CSMD2: variants seen among roughly 807,000 people sequenced by gnomAD.
CSMD2 encodes the protein CUB and Sushi multiple domains 2.
Under a neutral mutation model 398.5 loss-of-function variants are expected in CSMD2, and 130 were observed. The observed-to-expected ratio is 0.33, with a 90% confidence interval of 0.28 to 0.38. The LOEUF is 0.38. CSMD2 is among the 10% of genes least tolerant of loss of function. The pLI is 1.00. For synonymous variants in CSMD2, 1,828 were observed against 1,908.5 expected (o/e 0.96, Z 1.10); for missense variants, 3,829 against 4,764.9 (o/e 0.80, Z 5.78).
intron 7 of CSMD2, among the ~76,000 whole-genome samples, chr1:33,821,019 G>A (rs946459857): frequency 2.0e-5 from 3 of 152,194 alleles, no homozygotes; most frequent in Admixed American, 1.3e-4. Context: ...GATCAGAAAC[G>A]GTAAAGAATG....
chr1:33,884,802 C>T (rs1041875328), intron 5 of CSMD2: 4 of 152,308 alleles, frequency 2.6e-5, no homozygotes, highest in African/African-American at 9.7e-5. Flanking sequence ...TCTCAATTTT[C>T]CATATCCTTC....
intron 55 of CSMD2, among the ~76,000 whole-genome samples, chr1:33,555,531 A>C (rs1238789074): frequency 6.6e-6 from 1 of 152,212 alleles, no homozygotes; most frequent in Non-Finnish European, 1.5e-5. Context: ...ATCAAACAGC[A>C]GCATACGCTA....
intron 1 of CSMD2, among the ~76,000 whole-genome samples, chr1:34,137,037 G>C (rs1638820332): frequency 6.6e-6 from 1 of 151,818 alleles, no homozygotes; most frequent in African/African-American, 2.4e-5. Context: ...TTCCATCCTA[G>C]TCATCCATGC....
At chr1:34,006,534 C>A (rs900326022) in intron 3 of CSMD2, among the ~76,000 whole-genome samples, 1 of 151,930 alleles carries the variant, frequency 6.6e-6, no homozygotes, top group Non-Finnish European at 1.5e-5. Flanking sequence ...GTTTCCAGAG[C>A]CTCAGAAAGA....
intron 53 of CSMD2, among the ~76,000 whole-genome samples, chr1:33,565,908 T>G (rs1286463372): frequency 6.6e-6 from 1 of 151,778 alleles, no homozygotes; most frequent in Non-Finnish European, 1.5e-5. Flanking sequence ...ATCTGAGAAA[T>G]GAAGACTAAA....
At position 33,810,957 on chromosome 1, in the gene CSMD2, G is replaced by A. The variant is rs1656801073; in HGVS notation, c.1325-93C>T. 6 of 1,405,780 alleles carry A rather than the reference G, an allele frequency of 4.3e-6. No homozygotes were observed. The Admixed American group carries it at 6.3e-5, about 15-fold the overall frequency. 87.1% of individuals were successfully genotyped at this position (1,405,780 alleles called of 1,614,324 possible). A position where few individuals can be genotyped will look rare whatever the true frequency, so the allele number is the denominator to read the frequency against. On this transcript the variant is annotated intron_variant, in intron 9 of 70. Transcript: ENST00000373381. The stretch of plus-strand genomic sequence containing the variant: ...TCCCCACCCAGAAGACACTGCATCT[G>A]TACAGTTCCCACCCTGGACATAACC...
intron 13 of CSMD2, among the ~76,000 whole-genome samples, chr1:33,753,854 T>G (rs554363239): frequency 1.8e-4 from 28 of 152,374 alleles, no homozygotes; most frequent in Non-Finnish European, 3.7e-4. Context: ...GTTTTAGAAC[T>G]GTGTGGGGCC....
intron 3 of CSMD2, among the ~76,000 whole-genome samples, chr1:34,000,916 G>C (rs1461582714): frequency 6.6e-6 from 1 of 151,760 alleles, no homozygotes; most frequent in African/African-American, 2.4e-5. Context: ...AAAACAGGAA[G>C]AGAAGAGAGA....
rs1270300709 is a variant in CSMD2 at position 33,698,828 on chromosome 1, G to A, written c.3850C>T (p.Leu1284=). 1.2e-6 allele frequency: 2 copies of A among 1,614,088 alleles called. No homozygotes were observed. The highest frequency in any genetic ancestry group is 3.3e-5 in the Admixed American group (2 of 60,000). The change falls in exon 24 of 71, where the codon CTG becomes TTG. Residue 1284 remains leucine (L), a synonymous_variant. Transcript: ENST00000373381. ...VSFSCDPGYS[L]RGSEELLCLS... ...CACAGCAGCTCCTCACTACCCCGCA[G>A]GCTGTATCCAGGGTCACAGCTGAAG...
chr1:33,831,115 A>T (rs2125034892), intron 6 of CSMD2, among the ~76,000 whole-genome samples: 1 of 152,214 alleles, frequency 6.6e-6, no homozygotes, highest in South Asian at 2.1e-4. Context: ...GAACTTCTCC[A>T]ATCTAGCAAG....
intron 42 of CSMD2, 35 bp downstream of exon 42, chr1:33,605,247 C>A (rs1023683759): frequency 2.5e-6 from 4 of 1,599,142 alleles, no homozygotes; most frequent in South Asian, 1.1e-5. Flanking sequence ...ACGAGTACCC[C>A]AGGAAGAACT....
At chr1:33,816,693 A>T (rs1452348633) in intron 9 of CSMD2, among the ~76,000 whole-genome samples, 1 of 152,182 alleles carries the variant, frequency 6.6e-6, no homozygotes, top group Non-Finnish European at 1.5e-5. Flanking sequence ...CTAGGAGTCA[A>T]ATTAGAAGCT....
chr1:33,990,825 C>T (rs1199090749), intron 3 of CSMD2, among the ~76,000 whole-genome samples: 1 of 152,182 alleles, frequency 6.6e-6, no homozygotes, highest in Non-Finnish European at 1.5e-5. Flanking sequence ...CTGTCTCCTC[C>T]AGATTAGGGT....
intron 3 of CSMD2, among the ~76,000 whole-genome samples, chr1:34,009,648 C>T (rs1440303992): frequency 2.0e-5 from 3 of 152,082 alleles, no homozygotes; most frequent in Admixed American, 1.3e-4. Flanking sequence ...AGTGATCTCA[C>T]ACCCTCCTGG....
intron 12 of CSMD2, among the ~76,000 whole-genome samples, chr1:33,777,147 T>G (rs1652098505): frequency 6.6e-6 from 1 of 152,118 alleles, no homozygotes; most frequent in Non-Finnish European, 1.5e-5. Flanking sequence ...AAGGTGAAGT[T>G]CATTGGGTGT....
chr1:33,618,744 T>C lies in CSMD2; in HGVS notation c.5828-1127A>G, dbSNP rs186735894. Reference sequence around the variant, plus strand: ...TTGGTGAGGGTATCCCCTCATACCCTTCAAGCAGGTCTTCACATCCCATTT... The same window carrying C: ...TTGGTGAGGGTATCCCCTCATACCCCTCAAGCAGGTCTTCACATCCCATTT... On this transcript the variant is annotated intron_variant, in intron 37 of 70. Coordinates refer to ENST00000373381, the MANE Select transcript of CSMD2 (RefSeq NM_001281956.2). Among the ~76,000 whole-genome samples the C allele has an allele frequency of 3.1e-3, 474 of 152,150 alleles. 4 individuals carry two copies. The highest frequency in any genetic ancestry group is 0.011 in the African/African-American group (453 of 41,528).
At chr1:33,651,189 A>G (rs1557677214) in intron 28 of CSMD2, among the ~76,000 whole-genome samples, 1 of 152,132 alleles carries the variant, frequency 6.6e-6, no homozygotes, top group Non-Finnish European at 1.5e-5. Context: ...AGTAATTTAG[A>G]TGGGAAATGA....
chr1:33,829,745 C>T (rs1450241776), intron 6 of CSMD2, among the ~76,000 whole-genome samples: 11 of 152,194 alleles, frequency 7.2e-5, no homozygotes, highest in African/African-American at 2.7e-4. Context: ...AGGGAGTTCC[C>T]TTTCATGGTC....
intron 44 of CSMD2, among the ~76,000 whole-genome samples, chr1:33,590,595 T>TCTCA (rs138836325): frequency 1.5e-5 from 2 of 137,640 alleles, no homozygotes; most frequent in Non-Finnish European, 3.1e-5. Flanking sequence ...CTATTTCCCA[T>TCTCA]CACACACACA....
Sources: gnomAD v4.1 joint callset for allele counts (sites outside exome capture counted in the v4.1 genomes callset) on GRCh38, gnomAD v4.1.1 for gene constraint, MANE v1.5 for transcripts, NCBI Gene and HGNC (gene_info 2026-07-23, HGNC 2026-07-21) for gene names.